RANBP2: variants seen among roughly 807,000 people sequenced by gnomAD.
The protein encoded by RANBP2 is RAN binding protein 2, also known as E3 SUMO-protein ligase RanBP2.
In RANBP2, 57 loss-of-function variants were observed where a neutral mutation model predicts 303.6. The ratio of observed to expected loss-of-function variants is 0.19; its 90% confidence interval spans 0.15 to 0.23. RANBP2 has a LOEUF of 0.23. Ranked by LOEUF, RANBP2 falls within the 10% of genes least tolerant of loss-of-function variation. The pLI is 1.00. For synonymous variants in RANBP2, 1,167 were observed against 1,301.5 expected (o/e 0.90, Z 2.23); for missense variants, 3,138 against 3,780.8 (o/e 0.83, Z 4.46).
At chr2:108,816,462 A>T in the RANBP2 span, among the ~76,000 whole-genome samples, 1 of 152,144 alleles carries the variant, frequency 6.6e-6, no homozygotes, top group Non-Finnish European at 1.5e-5. Context: ...AAAGAAAAAA[A>T]CAAAAAACAA....
the RANBP2 span, among the ~76,000 whole-genome samples, chr2:109,199,330 A>ATAAAATAAATAAAATAAATAAAATAAAT: frequency 3.3e-5 from 5 of 150,472 alleles, no homozygotes; most frequent in African/African-American, 1.2e-4. Context: ...TCAAAAAGTA[A>ATAAAATAAATAAAATAAATAAAATAAAT]AATGGAATGG....
chr2:109,072,642 T>C, the RANBP2 span, among the ~76,000 whole-genome samples: 2 of 152,154 alleles, frequency 1.3e-5, no homozygotes, highest in African/African-American at 4.8e-5. Flanking sequence ...AAGCAAAAGT[T>C]TGAAAGAGTA....
chr2:108,809,563 C>T, the RANBP2 span, among the ~76,000 whole-genome samples: 1 of 150,964 alleles, frequency 6.6e-6, no homozygotes, highest in African/African-American at 2.4e-5. Flanking sequence ...AAATTTATTC[C>T]CAGCTATTTT....
At chr2:109,360,833 A>G in the RANBP2 span, among the ~76,000 whole-genome samples, 1 of 152,182 alleles carries the variant, frequency 6.6e-6, no homozygotes, top group Non-Finnish European at 1.5e-5. Context: ...TTATTGTATT[A>G]TCAAATATTT....
At chr2:108,837,812 A>G in the RANBP2 span, among the ~76,000 whole-genome samples, 2 of 152,254 alleles carry the variant, frequency 1.3e-5, no homozygotes, top group Non-Finnish European at 2.9e-5. Flanking sequence ...AGAAGTTTAT[A>G]TAAAATTTTA....
At chr2:109,698,820 G>A in the RANBP2 span, among the ~76,000 whole-genome samples, 4 of 152,172 alleles carry the variant, frequency 2.6e-5, no homozygotes, top group South Asian at 8.3e-4. Flanking sequence ...CCAGCTACTT[G>A]GGAGGCTGAG....
the RANBP2 span, among the ~76,000 whole-genome samples, chr2:109,333,917 T>C: frequency 6.6e-6 from 1 of 152,236 alleles, no homozygotes. Context: ...AAGGTTGCTA[T>C]GAAGTTCAGA....
rs1234222378 is a variant in RANBP2 at position 108,763,270 on chromosome 2, C to G, written c.2731C>G (p.Gln911Glu). 1 of 1,613,800 alleles carries G rather than the reference C, an allele frequency of 6.2e-7. No individual in the cohort carries two copies. The highest frequency in any genetic ancestry group is 1.7e-5 in the Admixed American group (1 of 60,000). The change falls in exon 20 of 29, where the codon CAA (glutamine) becomes GAA (glutamate). Residue 911 changes from glutamine (Q) to glutamate (E), a missense_variant. Physicochemically the swap from Gln to Glu is conservative, Grantham distance 29. Coordinates refer to ENST00000283195, the MANE Select transcript of RANBP2 (RefSeq NM_006267.5). Reference sequence around the variant, plus strand: ...CTATGGCATGAATAGGCTTCCACCCCAACAGCATATTTATGCCTATCCGCA... The same window carrying G: ...CTATGGCATGAATAGGCTTCCACCCGAACAGCATATTTATGCCTATCCGCA... ...PVYGMNRLPP[Q>E]QHIYAYPQQM...
chr2:109,445,473 A>G, the RANBP2 span, among the ~76,000 whole-genome samples: 1 of 152,258 alleles, frequency 6.6e-6, no homozygotes, highest in Admixed American at 6.5e-5. Context: ...ATGAATAAAA[A>G]TATAAGAAAG....
chr2:108,785,846 T>C (rs1678591049), downstream of RANBP2: 1 of 152,234 alleles, frequency 6.6e-6, no homozygotes, highest in African/African-American at 2.4e-5. Flanking sequence ...AAGTATGGCC[T>C]AAGTAATTTT....
chr2:109,687,452 T>C, the RANBP2 span, among the ~76,000 whole-genome samples: 1 of 152,180 alleles, frequency 6.6e-6, no homozygotes, highest in Non-Finnish European at 1.5e-5. Flanking sequence ...TTTCTCTTCT[T>C]GGAGAATGGG....
At chr2:109,702,072 G>A in the RANBP2 span, among the ~76,000 whole-genome samples, 2 of 152,234 alleles carry the variant, frequency 1.3e-5, no homozygotes, top group African/African-American at 4.8e-5. Flanking sequence ...TTGCCTCAAT[G>A]CCAGGAGTCC....
the RANBP2 span, among the ~76,000 whole-genome samples, chr2:109,588,771 G>A: frequency 5.3e-5 from 8 of 151,196 alleles, no homozygotes; most frequent in Non-Finnish European, 7.4e-5. Flanking sequence ...GATTACAGGC[G>A]TGAGCCACCA....
the RANBP2 span, among the ~76,000 whole-genome samples, chr2:109,299,076 C>T: frequency 6.6e-6 from 1 of 152,192 alleles, no homozygotes; most frequent in East Asian, 1.9e-4. Flanking sequence ...CTGTCTTCCC[C>T]ACAAGCCACT....
chr2:109,340,202 G>A, the RANBP2 span, among the ~76,000 whole-genome samples: 3 of 152,062 alleles, frequency 2.0e-5, no homozygotes, highest in East Asian at 1.9e-4. Flanking sequence ...CCTGTCTCTC[G>A]GACCTTGGAC....
chr2:109,303,240 A>G, the RANBP2 span, among the ~76,000 whole-genome samples: 2 of 152,216 alleles, frequency 1.3e-5, no homozygotes, highest in African/African-American at 4.8e-5. Context: ...CTTGGCCCCA[A>G]CAGGATCTGA....
the RANBP2 span, among the ~76,000 whole-genome samples, chr2:109,473,200 T>G: frequency 1.3e-5 from 2 of 151,974 alleles, no homozygotes; most frequent in African/African-American, 4.9e-5. Flanking sequence ...GCTTCCTGCC[T>G]AGACATACGA....
downstream of RANBP2, chr2:108,786,706 C>G (rs1314676744): frequency 1.1e-5 from 11 of 978,196 alleles, no homozygotes; most frequent in Non-Finnish European, 1.7e-5. Flanking sequence ...CCTTTCCCTG[C>G]CGCCGTGCGT....
the RANBP2 span, among the ~76,000 whole-genome samples, chr2:109,692,608 G>A: frequency 5.9e-5 from 9 of 152,210 alleles, no homozygotes; most frequent in East Asian, 1.9e-4. Context: ...GGGAGAAAGC[G>A]AGGAAGCCTG....
Sources: allele counts gnomAD v4.1 joint callset (sites outside exome capture counted in the v4.1 genomes callset), GRCh38; gene constraint gnomAD v4.1.1; transcripts MANE v1.5; gene names NCBI Gene and HGNC (gene_info 2026-07-23, HGNC 2026-07-21).